Variants in MELK observed in about 807,000 individuals in gnomAD.
MELK encodes pEg3 kinase.
MELK carries 81 observed loss-of-function variants against 85.0 expected under a neutral mutation model. The observed-to-expected ratio is 0.95, with a 90% CI of 0.80 to 1.15. The LOEUF is 1.15. Ranked by LOEUF, MELK falls within the 50% of genes most tolerant of loss-of-function variation. The pLI is 0.00. For synonymous variants in MELK, 252 were observed against 265.0 expected, an observed-to-expected ratio of 0.95 and a Z score of 0.48; for missense variants, 754 against 777.5, an observed-to-expected ratio of 0.97 and a Z score of 0.36.
chr9:36,622,053 T>C (rs1827502623), intron 8 of MELK, among the ~76,000 whole-genome samples: 1 of 152,198 alleles, frequency 6.6e-6, no homozygotes, highest in African/African-American at 2.4e-5. Context: ...TCTTGTTCAG[T>C]GGAGATTTGG....
chr9:36,607,544 A>C (rs1825677911), intron 7 of MELK, 31 bp from the exon 8 acceptor site: 1 of 1,482,980 alleles, frequency 6.7e-7, no homozygotes, highest in Non-Finnish European at 9.4e-7. Flanking sequence ...TTTTTGTTTC[A>C]GTAATTTTTC....
intron 14 of MELK, among the ~76,000 whole-genome samples, chr9:36,666,804 C>T (rs1345332470): frequency 3.3e-5 from 5 of 151,316 alleles, no homozygotes; most frequent in Non-Finnish European, 7.4e-5. Flanking sequence ...TCAAATAACA[C>T]TTTCCGCCAA....
At chr9:36,642,940 A>G in intron 10 of MELK, 57 bp from the exon 11 acceptor site, 1 of 1,259,916 alleles carries the variant, frequency 7.9e-7, no homozygotes, top group Non-Finnish European at 1.1e-6. Flanking sequence ...TAAAATGTGA[A>G]AACATTGAAT....
chr9:36,644,750 A>G (rs1830072792), intron 11 of MELK, among the ~76,000 whole-genome samples: 1 of 152,146 alleles, frequency 6.6e-6, no homozygotes. Context: ...AGAAAAATTT[A>G]CCCACCAAAG....
At chr9:36,604,331 T>G (rs1209079768) in intron 7 of MELK, among the ~76,000 whole-genome samples, 1 of 128,878 alleles carries the variant, frequency 7.8e-6, no homozygotes, top group African/African-American at 2.9e-5. Context: ...CAGGCTGGAG[T>G]GCGATGGTGC....
chr9:36,624,320 G>A (rs1441523682), intron 8 of MELK, among the ~76,000 whole-genome samples: 1 of 152,094 alleles, frequency 6.6e-6, no homozygotes, highest in Admixed American at 6.5e-5. Flanking sequence ...GCTTGTATAA[G>A]GTCATACAGC....
intron 8 of MELK, among the ~76,000 whole-genome samples, chr9:36,616,434 G>C (rs1826808123): frequency 1.4e-5 from 2 of 144,004 alleles, no homozygotes; most frequent in Non-Finnish European, 1.5e-5. Context: ...TTGTCACCCA[G>C]GCTGGAGTGC....
chr9:36,614,898 T>C (rs953065277), intron 8 of MELK, among the ~76,000 whole-genome samples: 6 of 147,704 alleles, frequency 4.1e-5, no homozygotes, highest in Admixed American at 3.3e-4. Flanking sequence ...TTCCCGCCTT[T>C]CTATTCCACA....
intron 8 of MELK, among the ~76,000 whole-genome samples, chr9:36,614,760 T>TC (rs1420909327): frequency 8.0e-6 from 1 of 124,676 alleles, no homozygotes; most frequent in Non-Finnish European, 1.6e-5. Flanking sequence ...GGGGGTAAGG[T>TC]CACAGATCAA....
intron 1 of MELK, among the ~76,000 whole-genome samples, chr9:36,575,407 A>G (rs968592239): frequency 3.3e-5 from 5 of 152,202 alleles, no homozygotes; most frequent in African/African-American, 1.2e-4. Context: ...CCAGCTCCAC[A>G]TTCACAAAGA....
At chr9:36,656,213 C>T (rs1831225490) in intron 12 of MELK, among the ~76,000 whole-genome samples, 1 of 152,172 alleles carries the variant, frequency 6.6e-6, no homozygotes, top group South Asian at 2.1e-4. Context: ...AAATTATTCA[C>T]TACCCTGTAT....
intron 1 of MELK, among the ~76,000 whole-genome samples, chr9:36,579,923 A>T (rs1010954093): frequency 3.3e-5 from 5 of 152,064 alleles, no homozygotes; most frequent in Non-Finnish European, 5.9e-5. Flanking sequence ...TATGTAACCC[A>T]CATAAGTTGT....
intron 8 of MELK, among the ~76,000 whole-genome samples, chr9:36,610,561 C>A (rs1371720881): frequency 6.6e-6 from 1 of 152,252 alleles, no homozygotes; most frequent in African/African-American, 2.4e-5. Context: ...GGCCGGCCTC[C>A]TAGAGCCTGC....
intron 8 of MELK, among the ~76,000 whole-genome samples, chr9:36,616,387 CTTTTTTTTT>C (rs60212848): frequency 1.7e-5 from 2 of 114,628 alleles, no homozygotes; most frequent in East Asian, 5.0e-4. Context: ...ATGTCAAACT[CTTTTTTTTT>C]TTTTTTTTTT....
At chr9:36,584,963 C>T (rs1329537580) in intron 3 of MELK, among the ~76,000 whole-genome samples, 1 of 152,128 alleles carries the variant, frequency 6.6e-6, no homozygotes, top group African/African-American at 2.4e-5. Flanking sequence ...AAGCAGTCTT[C>T]CCATCTCAGC....
chr9:36,588,810 C>T lies in MELK; in HGVS notation c.145-726C>T, dbSNP rs528453750. ...ACTTTTTATTTTGAAAGTTTCAAGA[C>T]CTCAGAAAAGATTGGAGACTGAGAC... On this transcript the variant is annotated intron_variant, in intron 3 of 17. Coordinates refer to ENST00000298048, the MANE Select transcript of MELK (RefSeq NM_014791.4). Among the ~76,000 whole-genome samples the T allele has an allele frequency of 2.0e-5, 3 of 152,260 alleles. No homozygotes were observed. The East Asian group carries it at 5.8e-4, about 29-fold the overall frequency.
chr9:36,647,968 A>G (rs149905548), intron 11 of MELK, among the ~76,000 whole-genome samples: 1 of 152,302 alleles, frequency 6.6e-6, no homozygotes, highest in Non-Finnish European at 1.5e-5. Context: ...ATTCATTACT[A>G]AAAACAGAGT....
At chr9:36,581,798 AT>A in intron 2 of MELK, 59 bp downstream of exon 2, 1 of 1,403,206 alleles carries the variant, frequency 7.1e-7, no homozygotes, top group South Asian at 1.2e-5. Context: ...AGTATAGATT[AT>A]TTGGGTAGGT....
chr9:36,616,550 T>C (rs1826831954), intron 8 of MELK, among the ~76,000 whole-genome samples: 1 of 151,922 alleles, frequency 6.6e-6, no homozygotes, highest in African/African-American at 2.4e-5. Context: ...CCACCGCGCC[T>C]AGCTAATTTT....
Sources: allele counts gnomAD v4.1 joint callset (sites outside exome capture counted in the v4.1 genomes callset), GRCh38; gene constraint gnomAD v4.1.1; transcripts MANE v1.5; gene names NCBI Gene and HGNC (gene_info 2026-07-23, HGNC 2026-07-21).